Variants in UTP11 observed in about 807,000 individuals in gnomAD.
UTP11 encodes probable U3 small nucleolar RNA-associated protein 11.
In UTP11, 29 loss-of-function variants were observed where a neutral mutation model predicts 39.0. That is an observed-to-expected ratio of 0.74 (90% CI 0.55 to 1.01). The LOEUF is 1.01. Among genes scored for constraint, UTP11 ranks in the 50% least tolerant of loss-of-function variants. UTP11 has a pLI of 0.00. For synonymous variants in UTP11, 111 were observed against 105.0 expected (o/e 1.06, Z -0.35); for missense variants, 281 against 306.0 (o/e 0.92, Z 0.61).
chr1:38,020,345 A>G (rs1238582505), intron 6 of UTP11, among the ~76,000 whole-genome samples: 2 of 151,586 alleles, frequency 1.3e-5, no homozygotes, highest in Non-Finnish European at 2.9e-5. Context: ...TCAAGTGTTT[A>G]CTCCCGCCTT....
At chr1:38,018,923 T>C in intron 4 of UTP11, 136 bp from the exon 5 acceptor site, 1 of 779,328 alleles carries the variant, frequency 1.3e-6, no homozygotes, top group Non-Finnish European at 2.0e-6. Context: ...TGGGATCCTT[T>C]CCTTTAAAAG....
chr1:38,018,428 C>A, intron 3 of UTP11, 36 bp from the exon 4 acceptor site: 1 of 1,480,326 alleles, frequency 6.8e-7, no homozygotes, highest in Non-Finnish European at 9.4e-7. Context: ...TGATTTTAAT[C>A]TAATAGGGAA....
chr1:38,019,199 G>C, intron 5 of UTP11, 47 bp downstream of exon 5: 1 of 1,613,874 alleles, frequency 6.2e-7, no homozygotes, highest in Non-Finnish European at 8.5e-7. Context: ...ATGCCAGTCT[G>C]TGTCATTTGG....
At chr1:38,015,108 C>T (rs372051740) in intron 1 of UTP11, among the ~76,000 whole-genome samples, 95 of 152,268 alleles carry the variant, frequency 6.2e-4, no homozygotes, top group Middle Eastern at 3.4e-3. Flanking sequence ...CTGCAACCTC[C>T]GCCTCCCGTG....
At chr1:38,023,486 T>A in intron 7 of UTP11, 59 bp from the exon 8 acceptor site, 1 of 1,521,948 alleles carries the variant, frequency 6.6e-7, no homozygotes, top group South Asian at 1.2e-5. Context: ...TTTATTAACC[T>A]TTCGATTTTA....
intron 6 of UTP11, among the ~76,000 whole-genome samples, chr1:38,020,179 G>T (rs776657695): frequency 1.3e-5 from 2 of 152,150 alleles, no homozygotes; most frequent in African/African-American, 2.4e-5. Flanking sequence ...ATGGCTCACT[G>T]CAGTCTCCAC....
chr1:38,012,774 C>G lies in UTP11; in HGVS notation c.-29C>G, dbSNP rs749739215. 9.3e-6 allele frequency: 15 copies of G among 1,613,970 alleles called. No individual in the cohort carries two copies. The highest frequency in any genetic ancestry group is 1.2e-5 in the Non-Finnish European group (14 of 1,179,966). On this transcript the variant is annotated 5_prime_UTR_variant, in exon 1 of 8. Coordinates refer to ENST00000373014, the MANE Select transcript of UTP11 (RefSeq NM_016037.4). ...AGAGGCAGTGCGGATCCGGCGTTCT[C>G]CACTGATCTTTTCCAAGGCTGTACA...
intron 6 of UTP11, among the ~76,000 whole-genome samples, 181 bp downstream of exon 6, chr1:38,019,564 A>T (rs925255039): frequency 1.3e-5 from 2 of 151,232 alleles, no homozygotes; most frequent in Non-Finnish European, 1.5e-5. Flanking sequence ...GCTCACTGCA[A>T]CCTCCGCCTC....
chr1:38,013,163 C>CT (rs936895396), intron 1 of UTP11, among the ~76,000 whole-genome samples: 25 of 152,180 alleles, frequency 1.6e-4, no homozygotes, highest in Non-Finnish European at 3.1e-4. Flanking sequence ...CTGGTCTCTT[C>CT]TGAGGAGTTG....
chr1:38,020,173 C>T (rs1474778908), intron 6 of UTP11, among the ~76,000 whole-genome samples: 6 of 152,190 alleles, frequency 3.9e-5, no homozygotes, highest in Non-Finnish European at 4.4e-5. Flanking sequence ...GTGATTATGG[C>T]TCACTGCAGT....
At chr1:38,015,693 G>A (rs1646703880) in intron 1 of UTP11, among the ~76,000 whole-genome samples, 1 of 152,162 alleles carries the variant, frequency 6.6e-6, no homozygotes, top group Non-Finnish European at 1.5e-5. Context: ...CCAAGTCTAC[G>A]TCAGAGAAAG....
At chr1:38,021,939 C>T (rs1386427603) in intron 6 of UTP11, among the ~76,000 whole-genome samples, 1 of 151,970 alleles carries the variant, frequency 6.6e-6, no homozygotes, top group Non-Finnish European at 1.5e-5. Context: ...TCATCAGTTT[C>T]TCTGAGGTTG....
chr1:38,019,477 TTTTAAAATTTATTTTATTTTA>T (rs1193105949), intron 6 of UTP11, 94 bp downstream of exon 6: 2 of 1,154,650 alleles, frequency 1.7e-6, no homozygotes, highest in African/African-American at 3.3e-5. Flanking sequence ...TTAAAATAAT[TTTTAAAATTTATTTTATTTTA>T]TTTTTTAGTC....
chr1:38,014,175 A>C (rs1455876813), intron 1 of UTP11, among the ~76,000 whole-genome samples: 1 of 152,238 alleles, frequency 6.6e-6, no homozygotes, highest in East Asian at 1.9e-4. Context: ...TGAATAGTAT[A>C]TCCAAAGTCA....
intron 1 of UTP11, among the ~76,000 whole-genome samples, chr1:38,015,109 G>A (rs1313797740): frequency 6.6e-6 from 1 of 152,040 alleles, no homozygotes; most frequent in Non-Finnish European, 1.5e-5. Flanking sequence ...TGCAACCTCC[G>A]CCTCCCGTGT....
chr1:38,018,993 GTTTTTT>G, intron 4 of UTP11, 60 bp from the exon 5 acceptor site: 2 of 1,101,768 alleles, frequency 1.8e-6, no homozygotes, highest in Non-Finnish European at 2.5e-6. Context: ...AACTTTTGCA[GTTTTTT>G]TTTTTTTTTG....
intron 1 of UTP11, among the ~76,000 whole-genome samples, chr1:38,014,896 A>G (rs571681220): frequency 2.6e-5 from 4 of 152,282 alleles, no homozygotes; most frequent in Non-Finnish European, 5.9e-5. Flanking sequence ...TGCCCACCTC[A>G]GCTTACCAAA....
At chr1:38,022,839 T>C in intron 7 of UTP11, 30 bp downstream of exon 7, 1 of 1,497,898 alleles carries the variant, frequency 6.7e-7, no homozygotes, top group Non-Finnish European at 9.1e-7. Flanking sequence ...GGCCTCTTTT[T>C]TTTTTTTTCC....
intron 6 of UTP11, 59 bp downstream of exon 6, chr1:38,019,442 T>TG: frequency 7.4e-7 from 1 of 1,344,720 alleles, no homozygotes; most frequent in Non-Finnish European, 9.8e-7. Context: ...GTTTTTTTTT[T>TG]GTTTTTTTTT....
Sources: gnomAD v4.1 joint callset for allele counts (sites outside exome capture counted in the v4.1 genomes callset) on GRCh38, gnomAD v4.1.1 for gene constraint, MANE v1.5 for transcripts, NCBI Gene and HGNC (gene_info 2026-07-23, HGNC 2026-07-21) for gene names.